Variants in HERC5 observed in about 807,000 individuals in gnomAD.
The protein encoded by HERC5 is HECT and RLD domain containing E3 ubiquitin protein ligase 5.
A neutral mutation model predicts 119.6 loss-of-function variants in HERC5; 99 were observed. The ratio of observed to expected loss-of-function variants is 0.83; its 90% CI spans 0.70 to 0.98. The LOEUF is 0.98. Among genes scored for constraint, HERC5 ranks in the 50% least tolerant of loss-of-function variants. The pLI is 0.00. For synonymous variants in HERC5, 478 were observed against 445.9 expected (o/e 1.07, Z -0.91); for missense variants, 1,267 against 1,241.3 (o/e 1.02, Z -0.31).
At chr4:88,463,785 C>G (rs899592033) in intron 5 of HERC5, 70 bp from the exon 6 acceptor site, 76 of 1,548,538 alleles carry the variant, frequency 4.9e-5, no homozygotes, top group Non-Finnish European at 6.5e-5. Context: ...TAGTGATTCA[C>G]TTTGCATCAG....
At chr4:88,483,238 G>T (rs1450071311) in intron 13 of HERC5, among the ~76,000 whole-genome samples, 1 of 151,952 alleles carries the variant, frequency 6.6e-6, no homozygotes, top group Non-Finnish European at 1.5e-5. Context: ...TTGAGTTGGA[G>T]TCTCACTCTG....
At position 88,504,418 on chromosome 4, in the gene HERC5, A is replaced by G. The variant is rs368739655; in HGVS notation, c.2766+3A>G. On this transcript the variant is annotated splice_donor_region_variant and intron_variant, in intron 21 of 22. Coordinates refer to ENST00000264350, the MANE Select transcript of HERC5 (RefSeq NM_016323.4). Reference sequence around the variant, plus strand: ...ATGATTGGAAAACATTTGAAAAGGTACATCATCAAGTCTAAGTTGATTAAA... The same window carrying G: ...ATGATTGGAAAACATTTGAAAAGGTGCATCATCAAGTCTAAGTTGATTAAA... 29 of 1,595,932 alleles carry G rather than the reference A, an allele frequency of 1.8e-5. No individual in the cohort carries two copies. The African/African-American group carries it at 3.0e-4, about 16-fold the overall frequency.
At chr4:88,497,424 T>C (rs1263107770) in intron 18 of HERC5, among the ~76,000 whole-genome samples, 1 of 152,110 alleles carries the variant, frequency 6.6e-6, no homozygotes, top group Non-Finnish European at 1.5e-5. Flanking sequence ...GAGGAACACA[T>C]TGGAAATTGG....
At chr4:88,477,092 T>A (rs1174428153) in intron 12 of HERC5, among the ~76,000 whole-genome samples, 3 of 142,740 alleles carry the variant, frequency 2.1e-5, no homozygotes, top group Non-Finnish European at 4.6e-5. Context: ...AGAATCTCAT[T>A]TGAGGCCAGG....
rs1012180770 is a variant in HERC5 at position 88,479,666 on chromosome 4, A to AAT, written c.1737+169_1737+170dup. 5.3e-5 allele frequency among the ~76,000 whole-genome samples: 8 copies of AAT among 152,026 alleles called. No individual in the cohort carries two copies. In the East Asian group the frequency reaches 5.8e-4, roughly 11 times the overall value. On this transcript the variant is annotated intron_variant, in intron 13 of 22. Transcript: ENST00000264350. The stretch of plus-strand genomic sequence containing the variant: ...TAAAATTACATCATACATATAAAGG[A>AAT]ATATATATATAATACCTATTTAGAA...
rs1429112237 is a variant in HERC5 at position 88,463,889 on chromosome 4, A to T, written c.815A>T (p.His272Leu). The change falls in exon 6 of 23, where the codon CAT becomes CTT. Residue 272 changes from histidine (H) to leucine (L), a missense_variant. Around this residue, in one of 3 missense-constraint regions of HERC5, gnomAD observed 777 missense variants for 758.0 expected, o/e 1.03. Transcript: ENST00000264350. ...GLLFTFGAGK[H>L]GQLGHNSTQN... is the part of the protein sequence containing the mutation. ...CTGTTTACTTTCGGTGCTGGAAAACATGGGCAACTTGGTCATAATTCAACA... is the reference window on the plus strand; with the variant it reads ...CTGTTTACTTTCGGTGCTGGAAAACTTGGGCAACTTGGTCATAATTCAACA... 10 of 1,613,938 alleles carry T rather than the reference A, an allele frequency of 6.2e-6. No homozygotes were observed. The highest frequency in any genetic ancestry group is 1.7e-5 in the Admixed American group (1 of 59,978).
intron 9 of HERC5, 91 bp from the exon 10 acceptor site, chr4:88,470,523 G>A (rs372314449): frequency 7.3e-6 from 5 of 685,700 alleles, no homozygotes; most frequent in South Asian, 3.6e-5. Context: ...TATAAGATGT[G>A]GTATTTATCA....
intron 2 of HERC5, 38 bp downstream of exon 2, chr4:88,459,508 A>G (rs1242998497): frequency 8.1e-7 from 1 of 1,227,754 alleles, no homozygotes; most frequent in South Asian, 1.6e-5. Flanking sequence ...ATTAATTTTA[A>G]TCAAAAGACA....
In HERC5 at chr4:88,475,973, G is replaced by C. The variant is rs199767115; in HGVS notation, c.1525G>C (p.Val509Leu). The change falls in exon 12 of 23, where the codon GTG (valine) becomes CTG (leucine). Residue 509 changes from valine to leucine, a missense_variant. Physicochemically the swap from Val to Leu is conservative, Grantham distance 32. This residue lies in a region of HERC5 where 777 missense variants were observed against 758.0 expected (regional missense o/e 1.03). Transcript: ENST00000264350. Reference protein sequence around the residue: ...MHISNNWESLVVPFAKVVCKM... With the variant: ...MHISNNWESLLVPFAKVVCKM... ...TATTTCCAACAACTGGGAGAGCCTTGTGGTTCCATTTGCAAAGGTTGTTTG... is the reference window on the plus strand; with the variant it reads ...TATTTCCAACAACTGGGAGAGCCTTCTGGTTCCATTTGCAAAGGTTGTTTG... The C allele has an allele frequency of 6.2e-7, 1 of 1,613,874 alleles. No individual in the cohort carries two copies. Among genetic ancestry groups the C allele is most frequent in the Non-Finnish European group, 8.5e-7 (1 of 1,180,006 alleles).
At position 88,457,345 on chromosome 4, in the gene HERC5, G is replaced by T; in HGVS notation, c.76G>T (p.Ala26Ser). The T allele has an allele frequency of 7.1e-7, 1 of 1,417,152 alleles. No individual in the cohort carries two copies. The highest frequency in any genetic ancestry group is 9.2e-7 in the Non-Finnish European group (1 of 1,087,540). 87.8% of individuals were successfully genotyped at this position (1,417,152 alleles called of 1,614,324 possible). A position where few individuals can be genotyped will look rare whatever the true frequency, so the allele number is the denominator to read the frequency against. ...TAGKAAATQP[A>S]KSPGAQLWLF... ...GGGCAAGGCCGCCGCGACCCAGCCCGCGAAGTCTCCGGGCGCACAGCTCTG... is the reference window on the plus strand; with the variant it reads ...GGGCAAGGCCGCCGCGACCCAGCCCTCGAAGTCTCCGGGCGCACAGCTCTG... Residue 26 changes from alanine to serine, a missense_variant, in exon 1 of 23, where the codon GCG (alanine) becomes TCG (serine). By Grantham distance (99) the Ala-to-Ser change is moderately conservative (BLOSUM62 1). Coordinates refer to ENST00000264350, the MANE Select transcript of HERC5 (RefSeq NM_016323.4).
In HERC5 at chr4:88,479,426, C is replaced by T. The variant is rs1378356925; in HGVS notation, c.1656C>T (p.Cys552=). The T allele has an allele frequency of 6.2e-7, 1 of 1,612,998 alleles. No individual in the cohort carries two copies. Among genetic ancestry groups the T allele is most frequent in the Non-Finnish European group, 8.5e-7 (1 of 1,179,550 alleles). ...AGATGTTTAAAACAGCCGTCATATG[C>T]CAGTTGGATTACTGGGATGAAAGTG... The part of the protein sequence containing the change: ...LVQMFKTAVI[C]QLDYWDESAE... The change falls in exon 13 of 23, where the codon TGC becomes TGT. Residue 552 remains cysteine (C), a synonymous_variant. Coordinates refer to ENST00000264350, the MANE Select transcript of HERC5 (RefSeq NM_016323.4).
At chr4:88,462,481 C>G (rs1740479029) in intron 4 of HERC5, 125 bp downstream of exon 4, 2 of 775,920 alleles carry the variant, frequency 2.6e-6, no homozygotes, top group East Asian at 2.7e-5. Flanking sequence ...CTGATTACCT[C>G]TCTGTCTTCA....
rs1036686429 is a variant in HERC5 at position 88,475,902 on chromosome 4, A to T, written c.1454A>T (p.Glu485Val). 1 of 1,613,838 alleles carries T rather than the reference A, an allele frequency of 6.2e-7. No homozygotes were observed. Among genetic ancestry groups the T allele is most frequent in the Non-Finnish European group, 8.5e-7 (1 of 1,179,962 alleles). Reference sequence around the variant, plus strand: ...CTTCCATTTCATTCTCCACCCCAAGAAGCTTTAGAAATTTTCTTCCTTCTC... The same window carrying T: ...CTTCCATTTCATTCTCCACCCCAAGTAGCTTTAGAAATTTTCTTCCTTCTC... ...KRLPFHSPPQ[E>V]ALEIFFLLPE... Residue 485 changes from glutamate (E) to valine (V), a missense_variant, in exon 12 of 23, where the codon GAA (glutamate) becomes GTA (valine). Around this residue, in one of 3 missense-constraint regions of HERC5, gnomAD observed 777 missense variants for 758.0 expected, o/e 1.03. Transcript: ENST00000264350.
chr4:88,492,952 A>G (rs1007794937), intron 16 of HERC5, 60 bp from the exon 17 acceptor site: 2 of 1,512,732 alleles, frequency 1.3e-6, no homozygotes, highest in African/African-American at 2.8e-5. Flanking sequence ...ATTAAATGAG[A>G]CTTCATATAT....
At chr4:88,481,295 G>C (rs546855882) in intron 13 of HERC5, among the ~76,000 whole-genome samples, 9 of 152,082 alleles carry the variant, frequency 5.9e-5, no homozygotes, top group Non-Finnish European at 1.3e-4. Context: ...TCAAATGATT[G>C]ACCCACCTCA....
intron 7 of HERC5, 70 bp downstream of exon 7, chr4:88,467,274 A>G: frequency 6.7e-7 from 1 of 1,501,558 alleles, no homozygotes; most frequent in Non-Finnish European, 9.1e-7. Context: ...TAACTAGGTA[A>G]TGTGGCAAAG....
Position 88,467,065 on chromosome 4 carries a change from C to A in HERC5, c.918C>A (p.His306Gln). ...ATGTGCTTTTATTTAATAGGTGGCA[C>A]ACACTTGCCTATGTTTCTGATTTGG... ...RVTQIACGRW[H>Q]TLAYVSDLGK... is the part of the protein sequence containing the mutation. Residue 306 changes from histidine to glutamine, a missense_variant, in exon 7 of 23, where the codon CAC (histidine) becomes CAA (glutamine). His to Gln is a conservative substitution (Grantham distance 24, BLOSUM62 0). Transcript: ENST00000264350. The A allele has an allele frequency of 6.2e-7, 1 of 1,614,010 alleles. No individual in the cohort carries two copies. Among genetic ancestry groups the A allele is most frequent in the Non-Finnish European group, 8.5e-7 (1 of 1,179,910 alleles).
intron 4 of HERC5, 72 bp downstream of exon 4, chr4:88,462,428 T>A: frequency 1.6e-6 from 2 of 1,259,270 alleles, no homozygotes; most frequent in South Asian, 2.6e-5. Flanking sequence ...GACCTCCCTG[T>A]CAAAAATGGT....
At chr4:88,481,734 C>CA (rs1358515054) in intron 13 of HERC5, among the ~76,000 whole-genome samples, 1 of 151,850 alleles carries the variant, frequency 6.6e-6, no homozygotes, top group Admixed American at 6.6e-5. Context: ...CAGCCACAGG[C>CA]AATACAAAAA....
Sources: gnomAD v4.1 joint callset for allele counts (sites outside exome capture counted in the v4.1 genomes callset) on GRCh38, gnomAD v4.1.1 for gene constraint, gnomAD v4.1.1 regional missense constraint, MANE v1.5 for transcripts, NCBI Gene and HGNC (gene_info 2026-07-23, HGNC 2026-07-21) for gene names.